The following MEGF10 variants were observed in gnomAD, a reference collection of about 807,000 sequenced individuals.
MEGF10 encodes the protein multiple EGF like domains 10.
MEGF10 carries 86 observed loss-of-function variants against 147.5 expected under a neutral mutation model. That is an observed-to-expected ratio of 0.58 (90% CI 0.49 to 0.70). The LOEUF (loss-of-function observed/expected upper bound fraction) is 0.70, where lower values mean the gene tolerates loss of function less well. MEGF10 is among the 30% of genes least tolerant of loss of function. The pLI, the probability that MEGF10 is intolerant of heterozygous loss-of-function variation, is 0.00. For synonymous variants in MEGF10, 478 were observed against 525.5 expected (o/e 0.91, Z 1.24); for missense variants, 1,329 against 1,487.3 (o/e 0.89, Z 1.75).
intron 22 of MEGF10, among the ~76,000 whole-genome samples, chr5:127,451,575 C>T (rs1267258383): frequency 6.6e-6 from 1 of 152,142 alleles, no homozygotes; most frequent in African/African-American, 2.4e-5. Context: ...AATTGATATT[C>T]AGCAAAATAC....
At chr5:127,236,453 T>C in the MEGF10 span, among the ~76,000 whole-genome samples, 1 of 152,192 alleles carries the variant, frequency 6.6e-6, no homozygotes, top group African/African-American at 2.4e-5. Flanking sequence ...ATATTTGGAC[T>C]CCATGTACAG....
At chr5:127,277,192 A>G in the MEGF10 span, among the ~76,000 whole-genome samples, 1 of 152,216 alleles carries the variant, frequency 6.6e-6, no homozygotes, top group African/African-American at 2.4e-5. Context: ...CAGGTGCAAG[A>G]GTTTTTGGAT....
chr5:127,423,342 T>A (rs1000311941), intron 13 of MEGF10, among the ~76,000 whole-genome samples: 2 of 152,214 alleles, frequency 1.3e-5, no homozygotes, highest in Non-Finnish European at 2.9e-5. Context: ...TTATATAGCT[T>A]CACCGTTTCA....
chr5:127,402,462 A>G, intron 7 of MEGF10, 84 bp from the exon 8 acceptor site: 2 of 1,456,780 alleles, frequency 1.4e-6, no homozygotes, highest in East Asian at 2.3e-5. Context: ...CCTCCTTTCT[A>G]TTTCCTCTCT....
intron 15 of MEGF10, 36 bp downstream of exon 15, chr5:127,434,857 A>T (rs546386658): frequency 5.5e-5 from 88 of 1,599,304 alleles, no homozygotes; most frequent in African/African-American, 2.5e-4. Context: ...CTGGGTGGTG[A>T]TGAGCACGCC....
In MEGF10 at chr5:127,433,504, A is replaced by G; in HGVS notation, c.1835A>G (p.Gln612Arg). 6.2e-7 allele frequency: 1 copy of G among 1,603,168 alleles called. No individual in the cohort carries two copies. Residue 612 changes from glutamine (Q) to arginine (R), a missense_variant, in exon 14 of 25, where the codon CAG (glutamine) becomes CGG (arginine). Physicochemically the swap from Gln to Arg is conservative, Grantham distance 43 (BLOSUM62 1). Around this residue, in one of 3 missense-constraint regions of MEGF10, gnomAD observed 980 missense variants for 1,085.9 expected, o/e 0.90. Transcript: ENST00000503335. ...CAPGFRGTTCQRICSPGFYGH... is the reference protein window; with the variant it reads ...CAPGFRGTTCRRICSPGFYGH... ...CCAGGCTTCCGAGGCACCACTTGTCAGAGGAGTAAGTGTCTCATTAGGCAG... is the reference window on the plus strand; with the variant it reads ...CCAGGCTTCCGAGGCACCACTTGTCGGAGGAGTAAGTGTCTCATTAGGCAG...
chr5:127,392,532 G>A (rs1763743356), intron 5 of MEGF10, among the ~76,000 whole-genome samples: 1 of 152,110 alleles, frequency 6.6e-6, no homozygotes, highest in Admixed American at 6.5e-5. Context: ...GTATTGTATT[G>A]CTTCAGACTT....
chr5:127,382,092 C>G (rs1344854456), intron 5 of MEGF10, among the ~76,000 whole-genome samples: 1 of 152,136 alleles, frequency 6.6e-6, no homozygotes, highest in Non-Finnish European at 1.5e-5. Flanking sequence ...GAATTTCCCC[C>G]CAAAAGCTAA....
chr5:127,375,596 A>G (rs1762995635), intron 5 of MEGF10, among the ~76,000 whole-genome samples: 1 of 152,196 alleles, frequency 6.6e-6, no homozygotes, highest in Non-Finnish European at 1.5e-5. Context: ...TGAGTGAATG[A>G]CATTAATCTA....
In MEGF10 at chr5:127,388,094, T is replaced by C. The variant is rs909132872; in HGVS notation, c.413-8438T>C. 2.6e-5 allele frequency among the ~76,000 whole-genome samples: 4 copies of C among 152,218 alleles called. No homozygotes were observed. The South Asian group carries it at 8.3e-4, about 32-fold the overall frequency. On this transcript the variant is annotated intron_variant, in intron 5 of 24. Transcript: ENST00000503335. ...CAGATCCATATACTCTTAAAGCTAA[T>C]GACATTGATACTATGTTCATAGCAA... is the stretch of plus-strand genomic sequence containing the variant.
intron 24 of MEGF10, 122 bp from the exon 25 acceptor site, chr5:127,457,006 C>T: frequency 9.9e-7 from 1 of 1,012,000 alleles, no homozygotes; most frequent in Non-Finnish European, 1.4e-6. Context: ...GTTTTTAAAA[C>T]CAGCATTTCC....
At chr5:127,277,448 G>C in the MEGF10 span, among the ~76,000 whole-genome samples, 16 of 152,136 alleles carry the variant, frequency 1.1e-4, no homozygotes, top group Admixed American at 7.2e-4. Context: ...TTACTCCTGA[G>C]AGCAAACCCA....
In MEGF10 at chr5:127,307,742, A is replaced by T. The variant is rs141997268; in HGVS notation, c.-19+16686A>T. On this transcript the variant is annotated intron_variant, in intron 1 of 24. Transcript: ENST00000503335. ...TCTTTGGGAACATGTATAAAAATTA[A>T]TGTTGCTATCTTCTTTTATTTTGAA... Among the ~76,000 whole-genome samples, 177 of 152,302 alleles carry T rather than the reference A, an allele frequency of 1.2e-3. 3 individuals carry two copies. The East Asian group carries it at 0.031, about 27-fold the overall frequency.
At chr5:127,348,151 C>T (rs188646702) in intron 4 of MEGF10, among the ~76,000 whole-genome samples, 41 of 152,120 alleles carry the variant, frequency 2.7e-4, no homozygotes, top group African/African-American at 8.2e-4. Flanking sequence ...TTCTTTATCA[C>T]GAATATCAAA....
chr5:127,323,700 C>G (rs1760884823), intron 1 of MEGF10, among the ~76,000 whole-genome samples: 1 of 152,222 alleles, frequency 6.6e-6, no homozygotes, highest in Admixed American at 6.5e-5. Flanking sequence ...AGATTTATTA[C>G]TCACAGTTTC....
the MEGF10 span, among the ~76,000 whole-genome samples, chr5:127,239,058 T>A: frequency 6.6e-6 from 1 of 151,892 alleles, no homozygotes; most frequent in Non-Finnish European, 1.5e-5. Context: ...GAGTAAACAA[T>A]CAGACAAACA....
At chr5:127,451,910 T>A (rs994002955) in intron 22 of MEGF10, among the ~76,000 whole-genome samples, 2 of 152,226 alleles carry the variant, frequency 1.3e-5, no homozygotes, top group Non-Finnish European at 2.9e-5. Flanking sequence ...GTTGTCGTCA[T>A]GGTATCTGAA....
Position 127,460,069 on chromosome 5 carries a change from T to G in MEGF10, c.*2751T>G, listed in dbSNP as rs1370138046. 3 of 152,204 alleles carry G rather than the reference T, an allele frequency of 2.0e-5. No homozygotes were observed. The highest frequency in any genetic ancestry group is 7.2e-5 in the African/African-American group (3 of 41,460). 9.4% of individuals were successfully genotyped at this position (152,204 alleles called of 1,614,324 possible). On this transcript the variant is annotated 3_prime_UTR_variant, in exon 25 of 25. Transcript: ENST00000503335. ...ACCAAGTGAATCTATTCTCATGAAC[T>G]TTGAACCCATGTTAATTTTGGACCC... is the stretch of plus-strand genomic sequence containing the variant.
intron 12 of MEGF10, 116 bp from the exon 13 acceptor site, chr5:127,422,527 AAAATAAATAAAGATACATCCCTGTAAG>A (rs1342325975): frequency 1.6e-6 from 1 of 624,584 alleles, no homozygotes; most frequent in African/African-American, 1.9e-5. Context: ...AAAAAAGAAA[AAAATAAATAAAGATACATCCCTGTAAG>A]AAGCGTTTGG....
Sources: allele counts gnomAD v4.1 joint callset (sites outside exome capture counted in the v4.1 genomes callset), GRCh38; gene constraint gnomAD v4.1.1; regional missense constraint gnomAD v4.1.1; transcripts MANE v1.5; gene names NCBI Gene and HGNC (gene_info 2026-07-23, HGNC 2026-07-21).